DOK6: variants seen among roughly 807,000 people sequenced by gnomAD.
DOK6 encodes downstream of tyrosine kinase 6.
In DOK6, 22 loss-of-function variants were observed where a neutral mutation model predicts 44.0. That is an observed-to-expected ratio of 0.50 (90% CI 0.36 to 0.71). DOK6 has a LOEUF of 0.71. Ranked by LOEUF, DOK6 falls within the 30% of genes least tolerant of loss-of-function variation. The pLI is 0.00. For missense variants in DOK6, 340 were observed against 416.4 expected, an observed-to-expected ratio of 0.82 and a Z score of 1.60; for synonymous variants, 166 against 145.5, an observed-to-expected ratio of 1.14 and a Z score of -1.01.
chr18:69,512,050 G>C (rs1981380122), intron 1 of DOK6, among the ~76,000 whole-genome samples: 1 of 152,010 alleles, frequency 6.6e-6, no homozygotes. Flanking sequence ...GTGGATTTCA[G>C]TTGTTTTTTC....
At chr18:69,688,129 T>C (rs1376498260) in intron 4 of DOK6, among the ~76,000 whole-genome samples, 6 of 152,092 alleles carry the variant, frequency 3.9e-5, no homozygotes, top group African/African-American at 1.4e-4. Flanking sequence ...AGGGATAAAC[T>C]AGCAAAGGAT....
At chr18:69,446,475 G>C (rs183218323) in intron 1 of DOK6, among the ~76,000 whole-genome samples, 53 of 152,042 alleles carry the variant, frequency 3.5e-4, no homozygotes, top group Non-Finnish European at 5.7e-4. Flanking sequence ...ATTTGGGTTG[G>C]TTCCAAGTCT....
chr18:69,812,320 G>T (rs1981265767), intron 7 of DOK6, among the ~76,000 whole-genome samples: 1 of 152,148 alleles, frequency 6.6e-6, no homozygotes, highest in Non-Finnish European at 1.5e-5. Flanking sequence ...AGGGAATATA[G>T]TGATAATACT....
chr18:69,424,072 G>A (rs1394998593), intron 1 of DOK6, among the ~76,000 whole-genome samples: 2 of 152,252 alleles, frequency 1.3e-5, no homozygotes, highest in East Asian at 3.9e-4. Context: ...GATATATAGA[G>A]TTGTGGTTCA....
At chr18:69,612,399 T>TGTGCGAGGGCGCATGTGTGCGAGGGCGCA (rs546114466) in intron 3 of DOK6, among the ~76,000 whole-genome samples, 2 of 62,414 alleles carry the variant, frequency 3.2e-5, no homozygotes, top group Non-Finnish European at 7.8e-5. Flanking sequence ...CGAAGAGACT[T>TGTGCGAGGGCGCATGTGTGCGAGGGCGCA]TGTGTGCGAG....
At chr18:69,746,481 C>T (rs999544947) in intron 6 of DOK6, among the ~76,000 whole-genome samples, 2 of 152,132 alleles carry the variant, frequency 1.3e-5, no homozygotes, top group Non-Finnish European at 2.9e-5. Flanking sequence ...GTCTCAAACT[C>T]CTGAGCTCAG....
At chr18:69,802,654 G>C (rs1295811667) in intron 7 of DOK6, among the ~76,000 whole-genome samples, 6 of 152,064 alleles carry the variant, frequency 3.9e-5, no homozygotes, top group Non-Finnish European at 8.8e-5. Context: ...CACGAAATCA[G>C]GTTATTTAAG....
rs557953138 is a variant in DOK6 at position 69,561,773 on chromosome 18, C to T, written c.67-2714C>T. ...AGAAAGAAAGAGTAAAATCAACTTA[C>T]GGATATGCTTGGTTGTTCTACTTTT... On this transcript the variant is annotated intron_variant, in intron 1 of 7. Transcript: ENST00000382713. Among the ~76,000 whole-genome samples, 109 of 152,184 alleles carry T rather than the reference C, an allele frequency of 7.2e-4. 1 individual carries two copies. The highest frequency in any genetic ancestry group is 1.2e-3 in the Non-Finnish European group (83 of 67,994).
intron 3 of DOK6, among the ~76,000 whole-genome samples, chr18:69,626,529 AT>A (rs1310881375): frequency 6.6e-6 from 1 of 152,258 alleles, no homozygotes; most frequent in Non-Finnish European, 1.5e-5. Flanking sequence ...GCAAAAAGCT[AT>A]AAGCTGAATG....
At chr18:69,461,717 G>A (rs1373758570) in intron 1 of DOK6, among the ~76,000 whole-genome samples, 1 of 151,952 alleles carries the variant, frequency 6.6e-6, no homozygotes. Context: ...TCCTCCTCTA[G>A]TCATAGTCCT....
rs747425198 is a variant in DOK6 at position 69,841,719 on chromosome 18, G to A, written c.*336G>A. 1 of 247,730 alleles carries A rather than the reference G, an allele frequency of 4.0e-6. No homozygotes were observed. The highest frequency in any genetic ancestry group is 8.1e-6 in the Non-Finnish European group (1 of 123,608). The allele number at this position is 247,730 out of a possible 1,614,324, so 15.3% of individuals were successfully genotyped here. A position where few individuals can be genotyped will look rare whatever the true frequency, so the allele number is the denominator to read the frequency against. ...TGCCCACACTGGGGTATGCCTGGGT[G>A]ATGGGCACCTCTCACTGACCTCACA... On this transcript the variant is annotated 3_prime_UTR_variant, in exon 8 of 8. Coordinates refer to ENST00000382713, the MANE Select transcript of DOK6 (RefSeq NM_152721.6).
intron 3 of DOK6, among the ~76,000 whole-genome samples, chr18:69,649,117 T>G (rs553530632): frequency 6.6e-6 from 1 of 152,196 alleles, no homozygotes; most frequent in Non-Finnish European, 1.5e-5. Flanking sequence ...GATATGTCCA[T>G]TCCCAAGAAC....
In DOK6 at chr18:69,755,504, G is replaced by T. The variant is rs538797980; in HGVS notation, c.739-2252G>T. On this transcript the variant is annotated intron_variant, in intron 6 of 7. Transcript: ENST00000382713. ...ATCTATGGATTGTTGTTATTAATGGGCATTGCTGACATGAATTGAAGATTT... is the reference window on the plus strand; with the variant it reads ...ATCTATGGATTGTTGTTATTAATGGTCATTGCTGACATGAATTGAAGATTT... Among the ~76,000 whole-genome samples, 6 of 152,316 alleles carry T rather than the reference G, an allele frequency of 3.9e-5. No individual in the cohort carries two copies. In the East Asian group the frequency reaches 9.7e-4, roughly 25 times the overall value.
intron 1 of DOK6, among the ~76,000 whole-genome samples, chr18:69,458,856 C>G (rs570057714): frequency 1.8e-4 from 27 of 152,216 alleles, no homozygotes; most frequent in African/African-American, 6.0e-4. Context: ...TTTTGGGCAG[C>G]CAGGGCGGGT....
intron 1 of DOK6, among the ~76,000 whole-genome samples, chr18:69,467,282 A>T (rs1979955693): frequency 6.6e-6 from 1 of 152,180 alleles, no homozygotes; most frequent in Non-Finnish European, 1.5e-5. Context: ...TCAACAATTC[A>T]TATATAAGAT....
chr18:69,575,705 C>T (rs1297267931), intron 2 of DOK6, among the ~76,000 whole-genome samples: 1 of 152,062 alleles, frequency 6.6e-6, no homozygotes, highest in Non-Finnish European at 1.5e-5. Flanking sequence ...ATTATCAATA[C>T]TATGTAACTA....
chr18:69,588,860 T>C (rs1190339258), intron 2 of DOK6, among the ~76,000 whole-genome samples: 9 of 152,160 alleles, frequency 5.9e-5, no homozygotes, highest in African/African-American at 2.2e-4. Context: ...TATAATGTGG[T>C]TTATGTCAAA....
chr18:69,430,931 A>C (rs1978789039), intron 1 of DOK6, among the ~76,000 whole-genome samples: 1 of 152,156 alleles, frequency 6.6e-6, no homozygotes, highest in Non-Finnish European at 1.5e-5. Flanking sequence ...GCGCCACTGC[A>C]CTCTAGCCTG....
intron 1 of DOK6, among the ~76,000 whole-genome samples, chr18:69,522,865 C>G (rs1167590256): frequency 6.6e-6 from 1 of 152,080 alleles, no homozygotes; most frequent in African/African-American, 2.4e-5. Context: ...AAAAGTATAT[C>G]TATATTTTCC....
Sources: gnomAD v4.1 joint callset for allele counts (sites outside exome capture counted in the v4.1 genomes callset) on GRCh38, gnomAD v4.1.1 for gene constraint, MANE v1.5 for transcripts, NCBI Gene and HGNC (gene_info 2026-07-23, HGNC 2026-07-21) for gene names.